RSPO2: variants seen among roughly 807,000 people sequenced by gnomAD.
The protein encoded by RSPO2 is R-spondin 2.
Under a neutral mutation model 30.9 loss-of-function variants are expected in RSPO2, and 14 were observed. The ratio of observed to expected loss-of-function variants is 0.45; its 90% CI spans 0.30 to 0.71. RSPO2 has a LOEUF of 0.71. Among genes scored for constraint, RSPO2 ranks in the 30% least tolerant of loss-of-function variants. The pLI is 0.08. For missense variants in RSPO2, 264 were observed against 301.9 expected (o/e 0.87, Z 0.93); for synonymous variants, 107 against 96.4 (o/e 1.11, Z -0.64).
At chr8:108,035,462 GTTTGTTTTTGTT>G (rs570424877) in intron 2 of RSPO2, among the ~76,000 whole-genome samples, 5 of 151,774 alleles carry the variant, frequency 3.3e-5, no homozygotes, top group South Asian at 2.1e-4. Context: ...TGTTTTGTTT[GTTTGTTTTTGTT>G]TTTGTTTTTG....
intron 2 of RSPO2, among the ~76,000 whole-genome samples, chr8:108,017,608 G>T (rs905909153): frequency 6.6e-6 from 1 of 150,392 alleles, no homozygotes; most frequent in African/African-American, 2.5e-5. Flanking sequence ...AGTAGTCAAG[G>T]GGGGATGGGG....
chr8:107,938,136 T>A (rs1812779639), intron 5 of RSPO2, among the ~76,000 whole-genome samples: 3 of 152,134 alleles, frequency 2.0e-5, no homozygotes, highest in African/African-American at 7.2e-5. Context: ...ATCACCACAT[T>A]AAGCTAAAAA....
At chr8:108,027,187 A>G (rs539487221) in intron 2 of RSPO2, among the ~76,000 whole-genome samples, 39 of 152,346 alleles carry the variant, frequency 2.6e-4, no homozygotes, top group African/African-American at 9.4e-4. Flanking sequence ...TTAAATAATA[A>G]AGCTCATCAT....
intron 5 of RSPO2, among the ~76,000 whole-genome samples, chr8:107,920,070 A>G (rs1002004159): frequency 6.6e-6 from 1 of 152,120 alleles, no homozygotes; most frequent in African/African-American, 2.4e-5. Context: ...ATATATGAAC[A>G]AGATATGGAA....
intron 2 of RSPO2, among the ~76,000 whole-genome samples, chr8:108,075,257 G>A (rs1163804858): frequency 2.0e-5 from 3 of 152,274 alleles, no homozygotes; most frequent in African/African-American, 4.8e-5. Context: ...AAGGCGGGAG[G>A]ATCACCTGAG....
chr8:108,072,026 C>T (rs1812861965), intron 2 of RSPO2, among the ~76,000 whole-genome samples: 1 of 152,040 alleles, frequency 6.6e-6, no homozygotes. Flanking sequence ...CATAGTTACC[C>T]CCAAAGAGTT....
rs1465533830 is a variant in RSPO2, at chr8:108,072,147, C to T, written c.94+10398G>A. On this transcript the variant is annotated intron_variant, in intron 2 of 5. Transcript: ENST00000276659. ...AGAGGAGGTCTGCCAGCTGAATCAA[C>T]AGGGTAAAGTAAGTCTTCAAAATCT... Among the ~76,000 whole-genome samples the T allele has an allele frequency of 2.0e-5, 3 of 151,940 alleles. No homozygotes were observed. In the East Asian group the frequency reaches 5.8e-4, roughly 29 times the overall value.
chr8:108,070,004 A>G (rs143044346), intron 2 of RSPO2, among the ~76,000 whole-genome samples: 117 of 152,324 alleles, frequency 7.7e-4, no homozygotes, highest in African/African-American at 2.7e-3. Context: ...TCATATTGAA[A>G]TCTCAAAGTT....
intron 2 of RSPO2, among the ~76,000 whole-genome samples, chr8:108,001,034 TA>T (rs982989724): frequency 7.8e-6 from 1 of 127,628 alleles, no homozygotes; most frequent in Non-Finnish European, 1.6e-5. Flanking sequence ...AATAAAATAA[TA>T]AAAAAAATTA....
intron 3 of RSPO2, among the ~76,000 whole-genome samples, chr8:107,974,767 T>A (rs2130482541): frequency 6.6e-6 from 1 of 152,230 alleles, no homozygotes; most frequent in African/African-American, 2.4e-5. Flanking sequence ...CTTCCAGATC[T>A]ATGTATATAA....
intron 3 of RSPO2, 151 bp from the exon 4 acceptor site, chr8:107,960,968 TC>T (rs1813608834): frequency 3.2e-6 from 2 of 628,252 alleles, no homozygotes; most frequent in Non-Finnish European, 5.4e-6. Context: ...CCTAGCGCCA[TC>T]TCATTCTAAG....
At chr8:108,076,837 C>T (rs1025582567) in intron 2 of RSPO2, among the ~76,000 whole-genome samples, 24 of 152,124 alleles carry the variant, frequency 1.6e-4, no homozygotes, top group African/African-American at 4.1e-4. Context: ...GAAACAGGGA[C>T]GGGTAAAATT....
intron 5 of RSPO2, among the ~76,000 whole-genome samples, chr8:107,954,114 G>A (rs1004194066): frequency 6.6e-6 from 1 of 152,024 alleles, no homozygotes; most frequent in African/African-American, 2.4e-5. Flanking sequence ...GTTGTGATGG[G>A]GCTTGACAAA....
intron 2 of RSPO2, among the ~76,000 whole-genome samples, chr8:108,036,551 G>C (rs1811604159): frequency 6.6e-6 from 1 of 152,202 alleles, no homozygotes; most frequent in African/African-American, 2.4e-5. Flanking sequence ...ATGTTAGGCT[G>C]TAGCTATACC....
chr8:107,903,100 T>C (rs776833703), intron 5 of RSPO2, among the ~76,000 whole-genome samples: 1 of 152,094 alleles, frequency 6.6e-6, no homozygotes, highest in South Asian at 2.1e-4. Context: ...TTTAAAAGCT[T>C]CAATTATAAA....
At chr8:107,923,189 G>A (rs948619368) in intron 5 of RSPO2, among the ~76,000 whole-genome samples, 1 of 152,064 alleles carries the variant, frequency 6.6e-6, no homozygotes, top group East Asian at 1.9e-4. Context: ...TCTGACAAAG[G>A]TCTAATATCC....
chr8:107,946,990 C>T lies in RSPO2; in HGVS notation c.616+11090G>A, dbSNP rs879594245. Among the ~76,000 whole-genome samples, 48 of 152,174 alleles carry T rather than the reference C, an allele frequency of 3.2e-4. 1 individual carries two copies. The highest frequency in any genetic ancestry group is 6.5e-4 in the Admixed American group (10 of 15,278). On this transcript the variant is annotated intron_variant, in intron 5 of 5. Coordinates refer to ENST00000276659, the MANE Select transcript of RSPO2 (RefSeq NM_178565.5). ...GCAGCAGGAAGAGCTGTAAGCAGAACCGGTCAAGGGATTAGAATTCAGAGG... is the reference window on the plus strand; with the variant it reads ...GCAGCAGGAAGAGCTGTAAGCAGAATCGGTCAAGGGATTAGAATTCAGAGG...
rs1437863150 is a variant in RSPO2 at position 108,059,550 on chromosome 8, C to A, written c.94+22995G>T. The stretch of plus-strand genomic sequence containing the variant: ...TCACGCTGCTATAAAGACACATGCA[C>A]ACGTATGTTTATTGCGGCACTATTC... On this transcript the variant is annotated intron_variant, in intron 2 of 5. Transcript: ENST00000276659. Among the ~76,000 whole-genome samples, 2 of 150,802 alleles carry A rather than the reference C, an allele frequency of 1.3e-5. 1 individual carries two copies. The highest frequency in any genetic ancestry group is 4.9e-5 in the African/African-American group (2 of 40,416).
intron 3 of RSPO2, chr8:107,983,055 C>T: frequency 8.3e-7 from 1 of 1,205,814 alleles, no homozygotes; most frequent in Non-Finnish European, 1.2e-6. Flanking sequence ...CCCCTGCAGT[C>T]CCCTCCATGT....
Sources: gnomAD v4.1 joint callset for allele counts (sites outside exome capture counted in the v4.1 genomes callset) on GRCh38, gnomAD v4.1.1 for gene constraint, MANE v1.5 for transcripts, NCBI Gene and HGNC (gene_info 2026-07-23, HGNC 2026-07-21) for gene names.